The following ITGAE variants were observed in gnomAD, a reference collection of about 807,000 sequenced individuals.
ITGAE encodes the protein integrin alpha-E.
A neutral mutation model predicts 136.5 loss-of-function variants in ITGAE; 99 were observed. The ratio of observed to expected loss-of-function variants is 0.73; its 90% CI spans 0.62 to 0.86. The LOEUF is 0.86. Among genes scored for constraint, ITGAE ranks in the 40% least tolerant of loss-of-function variants. The pLI is 0.00. For missense variants in ITGAE, 1,447 were observed against 1,515.3 expected (o/e 0.95, Z 0.75); for synonymous variants, 613 against 591.8 (o/e 1.04, Z -0.52).
At chr17:3,738,576 G>A (rs1597317664) in intron 20 of ITGAE, among the ~76,000 whole-genome samples, 2 of 152,354 alleles carry the variant, frequency 1.3e-5, no homozygotes, top group East Asian at 3.9e-4. Context: ...CAGCGATGGA[G>A]ACAGGCGGTA....
chr17:3,726,382 C>T (rs2051214511), intron 26 of ITGAE: 1 of 1,322,490 alleles, frequency 7.6e-7, no homozygotes. Context: ...GTCTTGAAGC[C>T]TCTGGTGCTG....
chr17:3,756,030 G>C, intron 10 of ITGAE, 133 bp from the exon 11 acceptor site: 1 of 785,286 alleles, frequency 1.3e-6, no homozygotes, highest in Non-Finnish European at 2.1e-6. Context: ...ACCCGGCTGA[G>C]GGTAGAGACC....
At chr17:3,782,340 A>AGTGTGTGTGTGTGTGTGTGTGTGTGT (rs151134975) in intron 1 of ITGAE, among the ~76,000 whole-genome samples, 1 of 109,596 alleles carries the variant, frequency 9.1e-6, no homozygotes, top group Non-Finnish European at 1.8e-5. Flanking sequence ...TTAAATCTCT[A>AGTGTGTGTGTGTGTGTGTGTGTGTGT]GTGTGTGTGT....
At position 3,774,627 on chromosome 17, in the gene ITGAE, T is replaced by G. The variant is rs570629155; in HGVS notation, c.155+2913A>C. ...AAAAATACAAAAAATTAGCTGGGCG[T>G]GGTGGCGGGCGCCTGTAATCCCAGC... On this transcript the variant is annotated intron_variant, in intron 2 of 30. Coordinates refer to ENST00000263087, the MANE Select transcript of ITGAE (RefSeq NM_002208.5). Among the ~76,000 whole-genome samples the G allele has an allele frequency of 3.1e-4, 47 of 152,060 alleles. No homozygotes were observed. In the East Asian group the frequency reaches 8.4e-3, roughly 27 times the overall value.
intron 12 of ITGAE, 118 bp from the exon 13 acceptor site, chr17:3,754,043 G>C: frequency 8.8e-7 from 1 of 1,134,276 alleles, no homozygotes; most frequent in Non-Finnish European, 1.2e-6. Context: ...GGCAAAATAG[G>C]AGAGACTGTC....
intron 1 of ITGAE, among the ~76,000 whole-genome samples, chr17:3,787,848 C>T (rs748903825): frequency 7.2e-5 from 11 of 151,948 alleles, no homozygotes; most frequent in Non-Finnish European, 1.3e-4. Context: ...CCACCACGCC[C>T]GGGTAATTTT....
At chr17:3,725,076 T>G in intron 26 of ITGAE, 1 of 1,614,230 alleles carries the variant, frequency 6.2e-7, no homozygotes. Context: ...TGTCTGCTTT[T>G]GGACCAAAAC....
chr17:3,784,278 A>T (rs907028220), intron 1 of ITGAE: 1 of 348,354 alleles, frequency 2.9e-6, no homozygotes, highest in Non-Finnish European at 5.4e-6. Context: ...AAAATAAAAT[A>T]AAAAAATAAA....
intron 2 of ITGAE, among the ~76,000 whole-genome samples, chr17:3,775,966 C>T (rs60659726): frequency 0.055 from 8,354 of 151,562 alleles, 267 homozygotes; most frequent in African/African-American, 0.084. Context: ...TTACATTTTG[C>T]TTATCTAATA....
chr17:3,731,087 A>G lies in ITGAE; in HGVS notation c.2834+17T>C. On this transcript the variant is annotated intron_variant, in intron 23 of 30. Transcript: ENST00000263087. ...GGGGTCATAGCCTGACTCTGCTGTG[A>G]CCCAGGCAGTACTTACTTGGTGACA... 2 of 1,605,414 alleles carry G rather than the reference A, an allele frequency of 1.2e-6. No homozygotes were observed. The highest frequency in any genetic ancestry group is 1.3e-5 in the African/African-American group (1 of 74,766).
intron 1 of ITGAE, among the ~76,000 whole-genome samples, chr17:3,790,765 T>C (rs956737390): frequency 6.6e-6 from 1 of 151,650 alleles, no homozygotes; most frequent in Non-Finnish European, 1.5e-5. Flanking sequence ...AAGCAGAAAA[T>C]GGGGATGGGG....
chr17:3,726,164 C>G (rs764163515), intron 26 of ITGAE: 1 of 1,614,170 alleles, frequency 6.2e-7, no homozygotes. Context: ...GTAATGTGCT[C>G]TGGTTACATT....
chr17:3,774,456 C>T (rs1192443140), intron 2 of ITGAE, among the ~76,000 whole-genome samples: 1 of 152,076 alleles, frequency 6.6e-6, no homozygotes, highest in Non-Finnish European at 1.5e-5. Context: ...GGCTTTAAAA[C>T]AACACAGCAC....
chr17:3,757,632 C>G lies in ITGAE; in HGVS notation c.1020+74G>C, dbSNP rs2052060425. Reference sequence around the variant, plus strand: ...GATAAGCTGCTTACAGAAAAGCCCCCATCGACAACCCTGGCTTCTCCCCAC... The same window carrying G: ...GATAAGCTGCTTACAGAAAAGCCCCGATCGACAACCCTGGCTTCTCCCCAC... On this transcript the variant is annotated intron_variant, in intron 9 of 30. Transcript: ENST00000263087. The G allele has an allele frequency of 2.6e-6, 4 of 1,516,338 alleles. No homozygotes were observed. In the East Asian group the frequency reaches 6.8e-5, roughly 26 times the overall value. 93.9% of individuals were successfully genotyped at this position (1,516,338 alleles called of 1,614,324 possible).
chr17:3,731,062 G>C, intron 23 of ITGAE, 42 bp downstream of exon 23: 1 of 1,505,924 alleles, frequency 6.6e-7, no homozygotes, highest in Non-Finnish European at 9.2e-7. Context: ...GATGTCTTCC[G>C]GGGTCATAGC....
chr17:3,725,623 A>C (rs1480235376), intron 26 of ITGAE: 1 of 1,613,060 alleles, frequency 6.2e-7, no homozygotes, highest in Non-Finnish European at 8.5e-7. Context: ...AACTCAGTGC[A>C]CTGTGTCCAG....
chr17:3,785,356 C>T (rs931075723), intron 1 of ITGAE, among the ~76,000 whole-genome samples: 1 of 151,894 alleles, frequency 6.6e-6, no homozygotes, highest in Non-Finnish European at 1.5e-5. Context: ...GTAATCCCAA[C>T]CACTTGGGAG....
chr17:3,782,769 T>C (rs991063277), intron 1 of ITGAE, among the ~76,000 whole-genome samples: 1 of 152,192 alleles, frequency 6.6e-6, no homozygotes, highest in Non-Finnish European at 1.5e-5. Flanking sequence ...TGAAAAGCTA[T>C]ACAACTTCTT....
chr17:3,785,492 GAAGGAGGA>G (rs1466687028), intron 1 of ITGAE, among the ~76,000 whole-genome samples: 107 of 134,944 alleles, frequency 7.9e-4, no homozygotes, highest in African/African-American at 2.3e-3. Flanking sequence ...AGGAAGGAAG[GAAGGAGGA>G]AGGAAGGAAG....
Sources: allele counts gnomAD v4.1 joint callset (sites outside exome capture counted in the v4.1 genomes callset), GRCh38; gene constraint gnomAD v4.1.1; transcripts MANE v1.5; gene names NCBI Gene and HGNC (gene_info 2026-07-23, HGNC 2026-07-21).